The following RORB variants were observed in gnomAD, a reference collection of about 807,000 sequenced individuals.
The protein encoded by RORB is nuclear receptor ROR-beta.
RORB carries 6 observed loss-of-function variants against 59.1 expected under a neutral mutation model. The observed-to-expected ratio is 0.10, with a 90% confidence interval of 0.06 to 0.20. RORB has a LOEUF of 0.20. RORB is among the 10% of genes least tolerant of loss of function. The pLI, the probability that RORB is intolerant of heterozygous loss-of-function variation, is 1.00. For missense variants in RORB, 320 were observed against 560.5 expected (o/e 0.57, Z 4.33); for synonymous variants, 215 against 204.5 (o/e 1.05, Z -0.44).
At chr9:74,660,835 T>C in intron 5 of RORB, 97 bp downstream of exon 5, 1 of 1,284,512 alleles carries the variant, frequency 7.8e-7, no homozygotes, top group African/African-American at 1.5e-5. Flanking sequence ...GGCAATTCTT[T>C]TCTGTAAGGG....
intron 4 of RORB, among the ~76,000 whole-genome samples, chr9:74,659,645 C>G (rs1220488789): frequency 1.3e-5 from 2 of 152,048 alleles, no homozygotes; most frequent in Non-Finnish European, 2.9e-5. Flanking sequence ...CGTGTGCCAC[C>G]ACACCTGGCT....
At chr9:74,662,327 T>C (rs1299719799) in intron 5 of RORB, 147 bp from the exon 6 acceptor site, 1 of 734,882 alleles carries the variant, frequency 1.4e-6, no homozygotes, top group African/African-American at 1.8e-5. Context: ...AAAATAAAAG[T>C]AGTGCCCTCC....
At chr9:74,666,470 A>C (rs564999591) in intron 7 of RORB, among the ~76,000 whole-genome samples, 1 of 151,666 alleles carries the variant, frequency 6.6e-6, no homozygotes, top group East Asian at 1.9e-4. Flanking sequence ...AAAAAAAAAA[A>C]GGAAAGAAAT....
intron 9 of RORB, among the ~76,000 whole-genome samples, chr9:74,680,158 C>T (rs1479257634): frequency 6.6e-6 from 1 of 151,978 alleles, no homozygotes; most frequent in Non-Finnish European, 1.5e-5. Flanking sequence ...CCACCTCCAA[C>T]CAGGTTAAGC....
At chr9:74,586,508 A>G (rs944469197) in intron 1 of RORB, among the ~76,000 whole-genome samples, 10 of 152,034 alleles carry the variant, frequency 6.6e-5, no homozygotes, top group Non-Finnish European at 1.3e-4. Flanking sequence ...AAAAGAAAAG[A>G]AAAAAGAGAG....
In RORB at chr9:74,688,444, T is replaced by A. The variant is rs1824684034; in HGVS notation, c.*2826T>A. 6.6e-6 allele frequency: 1 copy of A among 152,148 alleles called. No homozygotes were observed. Among genetic ancestry groups the A allele is most frequent in the Non-Finnish European group, 1.5e-5 (1 of 68,036 alleles). The allele number at this position is 152,148 out of a possible 1,614,324, so 9.4% of individuals were successfully genotyped here. On this transcript the variant is annotated 3_prime_UTR_variant, in exon 10 of 10. Transcript: ENST00000376896. ...AACTTGGTTCCTTCCCCATGAGGAC[T>A]AACAAATGTTCACAACAATCATGAT...
intron 1 of RORB, among the ~76,000 whole-genome samples, chr9:74,557,397 C>CT (rs1822322530): frequency 6.6e-6 from 1 of 152,152 alleles, no homozygotes; most frequent in South Asian, 2.1e-4. Context: ...AGGAGCAAGC[C>CT]TTACACACAG....
intron 1 of RORB, among the ~76,000 whole-genome samples, chr9:74,540,033 G>A (rs1439558051): frequency 6.6e-6 from 1 of 151,910 alleles, no homozygotes; most frequent in African/African-American, 2.4e-5. Flanking sequence ...TGATAGAGAG[G>A]GAAGACTGAA....
rs780173972 is a variant in RORB at position 74,671,793 on chromosome 9, A to C, written c.1116A>C (p.Arg372=). 1.3e-5 allele frequency: 21 copies of C among 1,608,532 alleles called. No individual in the cohort carries two copies. The highest frequency in any genetic ancestry group is 1.7e-5 in the Non-Finnish European group (20 of 1,175,956). ...FSSAVLISPD[R]AWLIEPRKVQ... Reference sequence around the variant, plus strand: ...ACCCACTCTTTCTTTCATCAGACCGAGCCTGGCTTATAGAACCAAGGAAAG... The same window carrying C: ...ACCCACTCTTTCTTTCATCAGACCGCGCCTGGCTTATAGAACCAAGGAAAG... The change falls in exon 9 of 10, where the codon CGA becomes CGC. Residue 372 remains arginine (R), a synonymous_variant. Transcript: ENST00000376896.
chr9:74,606,768 TGTTGG>T (rs1255110181), intron 1 of RORB, among the ~76,000 whole-genome samples: 2 of 152,344 alleles, frequency 1.3e-5, no homozygotes, highest in African/African-American at 4.8e-5. Context: ...CTGACAGGAT[TGTTGG>T]GTTCTTATGT....
intron 1 of RORB, among the ~76,000 whole-genome samples, chr9:74,500,594 C>T (rs549638783): frequency 1.1e-4 from 16 of 152,258 alleles, no homozygotes; most frequent in Admixed American, 4.6e-4. Context: ...CGCCTGGGCT[C>T]CACAGTTTGC....
chr9:74,658,818 G>A (rs1440376255), intron 4 of RORB, among the ~76,000 whole-genome samples: 1 of 152,106 alleles, frequency 6.6e-6, no homozygotes, highest in African/African-American at 2.4e-5. Flanking sequence ...TACCATAGGA[G>A]AATGTTCAAT....
rs533984146 is a variant in RORB, at chr9:74,684,759, A to G, written c.1225-704A>G. 9.1e-4 allele frequency among the ~76,000 whole-genome samples: 138 copies of G among 152,320 alleles called. 1 individual carries two copies. Among genetic ancestry groups the G allele is most frequent in the South Asian group, 4.6e-3 (22 of 4,828 alleles). The stretch of plus-strand genomic sequence containing the variant: ...ACCTCCCAAATTCTCTATGTGTTTC[A>G]TATTATGCATTACAGTGGAAACGGA... On this transcript the variant is annotated intron_variant, in intron 9 of 9. Coordinates refer to ENST00000376896, the MANE Select transcript of RORB (RefSeq NM_006914.4).
At position 74,642,801 on chromosome 9, in the gene RORB, C is replaced by G. The variant is rs1156470722; in HGVS notation, c.623C>G (p.Thr208Ser). 2 of 1,590,634 alleles carry G rather than the reference C, an allele frequency of 1.3e-6. No individual in the cohort carries two copies. Residue 208 changes from threonine (T) to serine (S), a missense_variant, in exon 4 of 10, where the codon ACC becomes AGC. Coordinates refer to ENST00000376896, the MANE Select transcript of RORB (RefSeq NM_006914.4). Reference sequence around the variant, plus strand: ...AATGGGCAGTTAGCACCAGGGATAACCATGACTGAAATCGGTAAGTGGAAG... The same window carrying G: ...AATGGGCAGTTAGCACCAGGGATAAGCATGACTGAAATCGGTAAGTGGAAG... The part of the protein sequence containing the change: ...FNNGQLAPGI[T>S]MTEIDRIAQN...
intron 4 of RORB, among the ~76,000 whole-genome samples, chr9:74,653,538 G>GA (rs1824030045): frequency 6.6e-6 from 1 of 151,916 alleles, no homozygotes; most frequent in South Asian, 2.1e-4. Context: ...TTCTCAGGAG[G>GA]AAAAAAAGAG....
At chr9:74,674,484 C>T (rs1181385641) in intron 9 of RORB, among the ~76,000 whole-genome samples, 4 of 152,226 alleles carry the variant, frequency 2.6e-5, no homozygotes, top group South Asian at 4.1e-4. Flanking sequence ...ACCTGTTCAA[C>T]TCTGAATAGG....
intron 1 of RORB, among the ~76,000 whole-genome samples, chr9:74,531,095 T>C (rs1246875894): frequency 6.6e-6 from 1 of 152,038 alleles, no homozygotes; most frequent in African/African-American, 2.4e-5. Context: ...ATGCTATTTA[T>C]GTCATGAAAA....
chr9:74,670,094 A>G (rs2118540315), intron 8 of RORB, among the ~76,000 whole-genome samples: 1 of 152,108 alleles, frequency 6.6e-6, no homozygotes, highest in East Asian at 1.9e-4. Context: ...AACCCTAGAA[A>G]GTTTCCCAGG....
intron 1 of RORB, among the ~76,000 whole-genome samples, chr9:74,584,429 G>A (rs1364757357): frequency 6.6e-6 from 1 of 152,172 alleles, no homozygotes; most frequent in Non-Finnish European, 1.5e-5. Flanking sequence ...TTGTTGTGAA[G>A]ATTAAATGAG....
Sources: gnomAD v4.1 joint callset for allele counts (sites outside exome capture counted in the v4.1 genomes callset) on GRCh38, gnomAD v4.1.1 for gene constraint, MANE v1.5 for transcripts, NCBI Gene and HGNC (gene_info 2026-07-23, HGNC 2026-07-21) for gene names.